ST6GALNAC5: variants seen among roughly 807,000 people sequenced by gnomAD.
ST6GALNAC5 encodes ST6 N-acetylgalactosaminide alpha-2,6-sialyltransferase 5, also known as alpha-N-acetylgalactosaminide alpha-2,6-sialyltransferase 5.
ST6GALNAC5 carries 27 observed loss-of-function variants against 33.6 expected under a neutral mutation model. That is an observed-to-expected ratio of 0.80 (90% CI 0.59 to 1.11). The LOEUF is 1.11. Among genes scored for constraint, ST6GALNAC5 ranks in the 50% least tolerant of loss-of-function variants. The pLI is 0.00. For synonymous variants in ST6GALNAC5, 194 were observed against 171.2 expected, an observed-to-expected ratio of 1.13 and a Z score of -1.04; for missense variants, 428 against 454.0, an observed-to-expected ratio of 0.94 and a Z score of 0.52.
intron 4 of ST6GALNAC5, among the ~76,000 whole-genome samples, chr1:77,059,955 C>T (rs1308637151): frequency 6.6e-6 from 1 of 152,010 alleles, no homozygotes; most frequent in Non-Finnish European, 1.5e-5. Context: ...TTGGTTCAAA[C>T]CTAAGACACT....
chr1:76,944,809 G>C (rs1310460229), intron 2 of ST6GALNAC5, among the ~76,000 whole-genome samples: 1 of 151,918 alleles, frequency 6.6e-6, no homozygotes, highest in Non-Finnish European at 1.5e-5. Context: ...CCCTCCACTA[G>C]TTTTTCTTCC....
At chr1:77,017,860 G>T (rs1650907390) in intron 2 of ST6GALNAC5, among the ~76,000 whole-genome samples, 1 of 152,182 alleles carries the variant, frequency 6.6e-6, no homozygotes, top group Admixed American at 6.5e-5. Flanking sequence ...ACATAATATA[G>T]TACAATGGAA....
intron 2 of ST6GALNAC5, among the ~76,000 whole-genome samples, chr1:76,976,904 C>T (rs1649033090): frequency 6.6e-6 from 1 of 152,042 alleles, no homozygotes; most frequent in South Asian, 2.1e-4. Flanking sequence ...CCTTCTCAAA[C>T]TTTGATCTCT....
At chr1:76,947,261 G>A (rs754994487) in intron 2 of ST6GALNAC5, among the ~76,000 whole-genome samples, 1 of 152,016 alleles carries the variant, frequency 6.6e-6, no homozygotes, top group Non-Finnish European at 1.5e-5. Context: ...ACAGCAGAAA[G>A]CACGTAGAAA....
At chr1:77,015,050 A>AACACAC (rs5775372) in intron 2 of ST6GALNAC5, among the ~76,000 whole-genome samples, 9,661 of 122,422 alleles carry the variant, frequency 0.079, 373 homozygotes, top group Admixed American at 0.14. Context: ...CTCGCACACA[A>AACACAC]ACACACACAC....
intron 2 of ST6GALNAC5, among the ~76,000 whole-genome samples, chr1:77,014,670 G>A (rs1047268981): frequency 6.6e-6 from 1 of 152,238 alleles, no homozygotes; most frequent in African/African-American, 2.4e-5. Flanking sequence ...ACACAGACTC[G>A]GATTTCCACA....
intron 2 of ST6GALNAC5, among the ~76,000 whole-genome samples, chr1:76,989,497 A>T (rs373739016): frequency 6.6e-6 from 1 of 151,360 alleles, no homozygotes; most frequent in African/African-American, 2.4e-5. Flanking sequence ...AATATTTTAC[A>T]GAAGGATATA....
intron 2 of ST6GALNAC5, among the ~76,000 whole-genome samples, chr1:76,920,026 A>T (rs941409906): frequency 6.6e-6 from 1 of 152,204 alleles, no homozygotes; most frequent in African/African-American, 2.4e-5. Context: ...GCAGAAAACT[A>T]AGGCAGTGAG....
intron 2 of ST6GALNAC5, among the ~76,000 whole-genome samples, chr1:76,929,539 TAAG>T (rs1473975652): frequency 1.3e-5 from 2 of 152,044 alleles, no homozygotes; most frequent in Non-Finnish European, 2.9e-5. Flanking sequence ...ACCCCATCTC[TAAG>T]AAGAAGAAAA....
At chr1:76,890,562 C>A (rs977999217) in intron 2 of ST6GALNAC5, among the ~76,000 whole-genome samples, 7 of 148,704 alleles carry the variant, frequency 4.7e-5, no homozygotes, top group African/African-American at 1.7e-4. Context: ...TTTTTTTGAG[C>A]TCTGTGGAGT....
chr1:76,947,889 C>A (rs560806356), intron 2 of ST6GALNAC5, among the ~76,000 whole-genome samples: 246 of 152,238 alleles, frequency 1.6e-3, no homozygotes, highest in Non-Finnish European at 2.8e-3. Context: ...AGAGGATTGC[C>A]AGACAAATGC....
chr1:77,051,937 T>C (rs1042318587), intron 4 of ST6GALNAC5, among the ~76,000 whole-genome samples: 9 of 152,196 alleles, frequency 5.9e-5, no homozygotes, highest in Non-Finnish European at 1.0e-4. Context: ...CAAGGAAATA[T>C]TCCATTTATT....
chr1:76,881,980 A>G (rs904034329), intron 2 of ST6GALNAC5, among the ~76,000 whole-genome samples: 6 of 152,338 alleles, frequency 3.9e-5, no homozygotes, highest in African/African-American at 1.2e-4. Context: ...CATCATTACC[A>G]TAAGAGAAAT....
chr1:77,012,466 C>T (rs930539435), intron 2 of ST6GALNAC5, among the ~76,000 whole-genome samples: 21 of 152,094 alleles, frequency 1.4e-4, no homozygotes, highest in African/African-American at 3.1e-4. Flanking sequence ...TGCCTCTGAA[C>T]GCCAGAAAAA....
chr1:76,946,644 C>T (rs999754206), intron 2 of ST6GALNAC5, among the ~76,000 whole-genome samples: 2 of 152,104 alleles, frequency 1.3e-5, no homozygotes, highest in Non-Finnish European at 2.9e-5. Context: ...TTCACAAGAG[C>T]AGTCCAGAGT....
At chr1:76,994,383 G>A (rs1177179261) in intron 2 of ST6GALNAC5, among the ~76,000 whole-genome samples, 1 of 152,162 alleles carries the variant, frequency 6.6e-6, no homozygotes, top group Admixed American at 6.5e-5. Context: ...ACTGAGTAAG[G>A]TGAGAATTTT....
At chr1:76,972,787 T>A (rs907991164) in intron 2 of ST6GALNAC5, among the ~76,000 whole-genome samples, 1 of 152,202 alleles carries the variant, frequency 6.6e-6, no homozygotes, top group African/African-American at 2.4e-5. Context: ...ACTCCCATCA[T>A]CAATAATTGA....
intron 2 of ST6GALNAC5, among the ~76,000 whole-genome samples, chr1:76,875,452 T>C (rs909946219): frequency 6.6e-6 from 1 of 152,214 alleles, no homozygotes; most frequent in African/African-American, 2.4e-5. Flanking sequence ...TTCATCTTGA[T>C]AGTCTGGGTC....
chr1:76,931,439 T>G (rs3113982), intron 2 of ST6GALNAC5, among the ~76,000 whole-genome samples: 89,490 of 151,884 alleles, frequency 0.59, 26,674 homozygotes, highest in African/African-American at 0.64. Context: ...ATTTTTACTT[T>G]CCCAAATTTA....
Sources: allele counts gnomAD v4.1 joint callset (sites outside exome capture counted in the v4.1 genomes callset), GRCh38; gene constraint gnomAD v4.1.1; transcripts MANE v1.5; gene names NCBI Gene and HGNC (gene_info 2026-07-23, HGNC 2026-07-21).